Variants in UTP14C observed in about 807,000 individuals in gnomAD.
UTP14C encodes the protein U3 small nucleolar RNA-associated protein 14 homolog C.
In UTP14C, 10 loss-of-function variants were observed where a neutral mutation model predicts 14.6. The ratio of observed to expected loss-of-function variants is 0.68; its 90% CI spans 0.42 to 1.16. The LOEUF (loss-of-function observed/expected upper bound fraction) is 1.16. Ranked by LOEUF, UTP14C falls within the 50% of genes most tolerant of loss-of-function variation. The pLI is 0.00. For missense variants in UTP14C, 818 were observed against 890.8 expected (o/e 0.92, Z 1.04); for synonymous variants, 315 against 331.6 (o/e 0.95, Z 0.54).
In UTP14C at chr13:52,028,881, C is replaced by T. The variant is rs763477592; in HGVS notation, c.77C>T (p.Pro26Leu). 1.9e-6 allele frequency: 3 copies of T among 1,614,160 alleles called. No homozygotes were observed. The highest frequency in any genetic ancestry group is 2.7e-5 in the African/African-American group (2 of 75,012). Residue 26 changes from proline (P) to leucine (L), a missense_variant, in exon 2 of 2, where the codon CCC (proline) becomes CTC (leucine). Pro to Leu is a moderately conservative substitution (Grantham distance 98, BLOSUM62 -3). Coordinates refer to ENST00000521776, the MANE Select transcript of UTP14C (RefSeq NM_021645.6). ...EELVDLPKNY[P>L]LSENEDEGDS... is the part of the protein sequence containing the mutation. ...CTAGTGGATTTGCCAAAAAACTACC[C>T]CTTGAGTGAAAATGAAGATGAGGGG... is the stretch of plus-strand genomic sequence containing the variant.
Position 52,029,796 on chromosome 13 carries a change from A to G in UTP14C, c.992A>G (p.Glu331Gly). The change falls in exon 2 of 2, where the codon GAA (glutamate) becomes GGA (glycine). Residue 331 changes from glutamate (E) to glycine (G), a missense_variant. Coordinates refer to ENST00000521776, the MANE Select transcript of UTP14C (RefSeq NM_021645.6). The part of the protein sequence containing the change: ...AMQEQLAKNK[E>G]LTQKLQVASE... ...CAGGAACAGTTGGCCAAGAACAAAG[A>G]ACTGACACAGAAACTCCAGGTAGCC... 1 of 1,614,212 alleles carries G rather than the reference A, an allele frequency of 6.2e-7. No individual in the cohort carries two copies. The highest frequency in any genetic ancestry group is 8.5e-7 in the Non-Finnish European group (1 of 1,180,040).
Position 52,029,108 on chromosome 13 carries a change from G to T in UTP14C, c.304G>T (p.Val102Leu). 1 of 1,614,192 alleles carries T rather than the reference G, an allele frequency of 6.2e-7. No individual in the cohort carries two copies. Among genetic ancestry groups the T allele is most frequent in the Non-Finnish European group, 8.5e-7 (1 of 1,180,038 alleles). Residue 102 changes from valine (V) to leucine (L), a missense_variant, in exon 2 of 2, where the codon GTA (valine) becomes TTA (leucine). Physicochemically the swap from Val to Leu is conservative, Grantham distance 32. Transcript: ENST00000521776. ...TAAAACTTCATCTTCTTTGGCCACT[G>T]TAAAAAAGCAACTGAATAGAGTCAA... ...PVKTSSSLAT[V>L]KKQLNRVKSK...
chr13:52,031,303 T>C lies in UTP14C; in HGVS notation c.*198T>C, dbSNP rs1954301575. Reference sequence around the variant, plus strand: ...GATCAGACATTAGAACACAGAAAAATTCTAGTACATTTAAATTCTAAACAA... The same window carrying C: ...GATCAGACATTAGAACACAGAAAAACTCTAGTACATTTAAATTCTAAACAA... On this transcript the variant is annotated 3_prime_UTR_variant, in exon 2 of 2. Coordinates refer to ENST00000521776, the MANE Select transcript of UTP14C (RefSeq NM_021645.6). 3 of 770,844 alleles carry C rather than the reference T, an allele frequency of 3.9e-6. No individual in the cohort carries two copies. In the South Asian group the frequency reaches 7.3e-5, roughly 19 times the overall value. The allele number at this position is 770,844 out of a possible 1,614,324, so 47.8% of individuals were successfully genotyped here. A position where few individuals can be genotyped will look rare whatever the true frequency, so the allele number is the denominator to read the frequency against.
Position 52,030,278 on chromosome 13 carries a change from C to G in UTP14C, c.1474C>G (p.Pro492Ala), listed in dbSNP as rs774605466. ...CCAGGTCCAGAGAGAGGAACCTGCC[C>G]CAGAAGAAGCGGAACCCCTATTGCT... ...VPQVQREEPA[P>A]EEAEPLLLQR... Residue 492 changes from proline (P) to alanine (A), a missense_variant, in exon 2 of 2, where the codon CCA becomes GCA. Coordinates refer to ENST00000521776, the MANE Select transcript of UTP14C (RefSeq NM_021645.6). 10 of 1,613,952 alleles carry G rather than the reference C, an allele frequency of 6.2e-6. No homozygotes were observed. Among genetic ancestry groups the G allele is most frequent in the Non-Finnish European group, 7.6e-6 (9 of 1,180,022 alleles).
chr13:52,030,041 G>A lies in UTP14C; in HGVS notation c.1237G>A (p.Ala413Thr). 1 of 1,614,226 alleles carries A rather than the reference G, an allele frequency of 6.2e-7. No individual in the cohort carries two copies. The highest frequency in any genetic ancestry group is 8.5e-7 in the Non-Finnish European group (1 of 1,180,038). The change falls in exon 2 of 2, where the codon GCA (alanine) becomes ACA (threonine). Residue 413 changes from alanine (A) to threonine (T), a missense_variant. Coordinates refer to ENST00000521776, the MANE Select transcript of UTP14C (RefSeq NM_021645.6). ...SASEAEERPV[A>T]EEEILLREFE... ...AAGTGAGGCAGAAGAAAGACCAGTGGCAGAGGAAGAAATTTTGTTGAGAGA... is the reference window on the plus strand; with the variant it reads ...AAGTGAGGCAGAAGAAAGACCAGTGACAGAGGAAGAAATTTTGTTGAGAGA...
chr13:52,027,023 C>G (rs558900843), intron 1 of UTP14C, among the ~76,000 whole-genome samples: 1 of 152,114 alleles, frequency 6.6e-6, no homozygotes, highest in South Asian at 2.1e-4. Flanking sequence ...TCTTAGAAAC[C>G]AAGGAAGAGA....
At chr13:52,026,162 C>T (rs1954238612) in intron 1 of UTP14C, among the ~76,000 whole-genome samples, 1 of 152,192 alleles carries the variant, frequency 6.6e-6, no homozygotes, top group African/African-American at 2.4e-5. Context: ...AAACCTAACA[C>T]AGACTTGTGC....
In UTP14C at chr13:52,031,242, A is replaced by C; in HGVS notation, c.*137A>C. 7.8e-7 allele frequency: 1 copy of C among 1,285,278 alleles called. No individual in the cohort carries two copies. The highest frequency in any genetic ancestry group is 1.1e-6 in the Non-Finnish European group (1 of 948,074). 79.6% of individuals were successfully genotyped at this position (1,285,278 alleles called of 1,614,324 possible). A position where few individuals can be genotyped will look rare whatever the true frequency, so the allele number is the denominator to read the frequency against. ...TGAGCCACATTTTTTAAAAAAAGAA[A>C]ATGGATGACCATTAATTGACTAGCA... On this transcript the variant is annotated 3_prime_UTR_variant, in exon 2 of 2. Transcript: ENST00000521776.
chr13:52,027,318 C>G (rs1954250692), intron 1 of UTP14C, among the ~76,000 whole-genome samples: 1 of 151,894 alleles, frequency 6.6e-6, no homozygotes, highest in South Asian at 2.1e-4. Context: ...CATGTGGTGC[C>G]CTAGCTTCCT....
At position 52,030,129 on chromosome 13, in the gene UTP14C, G is replaced by A; in HGVS notation, c.1325G>A (p.Ser442Asn). Residue 442 changes from serine to asparagine, a missense_variant, in exon 2 of 2, where the codon AGC (serine) becomes AAC (asparagine). Coordinates refer to ENST00000521776, the MANE Select transcript of UTP14C (RefSeq NM_021645.6). Reference sequence around the variant, plus strand: ...CTCAACCAGGATGCTGAGCCAGCAAGCAGTCAAGAAACAAAAGATTCTAGC... The same window carrying A: ...CTCAACCAGGATGCTGAGCCAGCAAACAGTCAAGAAACAAAAGATTCTAGC... ...SELNQDAEPA[S>N]SQETKDSSSQ... 1 of 1,614,226 alleles carries A rather than the reference G, an allele frequency of 6.2e-7. No individual in the cohort carries two copies.
Position 52,028,489 on chromosome 13 carries a change from A to G in UTP14C, c.-316A>G, listed in dbSNP as rs775344176. ...CATTCTTTCCATGTCTGCAGAAAAG[A>G]GACTCCAAATCAGAAAAAGTGCTCG... On this transcript the variant is annotated 5_prime_UTR_variant, in exon 2 of 2. Transcript: ENST00000521776. 8 of 1,614,210 alleles carry G rather than the reference A, an allele frequency of 5.0e-6. No individual in the cohort carries two copies. The highest frequency in any genetic ancestry group is 5.9e-6 in the Non-Finnish European group (7 of 1,180,042).
rs577230605 is a variant in UTP14C, at chr13:52,030,605, G to C, written c.1801G>C (p.Asp601His). The change falls in exon 2 of 2, where the codon GAT becomes CAT. Residue 601 changes from aspartate (D) to histidine (H), a missense_variant. Asp to His is a moderately conservative substitution (Grantham distance 81, BLOSUM62 -1). Transcript: ENST00000521776. ...RQMIKEAFAG[D>H]DVIRDFLKEK... ...GATGATAAAGGAAGCTTTTGCTGGGGATGATGTCATCAGAGATTTCTTGAA... is the reference window on the plus strand; with the variant it reads ...GATGATAAAGGAAGCTTTTGCTGGGCATGATGTCATCAGAGATTTCTTGAA... 2.5e-6 allele frequency: 4 copies of C among 1,614,212 alleles called. No individual in the cohort carries two copies. The highest frequency in any genetic ancestry group is 4.5e-5 in the East Asian group (2 of 44,888).
chr13:52,030,726 G>T lies in UTP14C; in HGVS notation c.1922G>T (p.Ser641Ile). ...GEWGGVGLKPSAKKRRQFLIK... is the reference protein window; with the variant it reads ...GEWGGVGLKPIAKKRRQFLIK... ...TGGGGTGGTGTGGGCCTAAAGCCCA[G>T]TGCCAAGAAAAGACGCCAGTTTCTC... Residue 641 changes from serine (S) to isoleucine (I), a missense_variant, in exon 2 of 2, where the codon AGT (serine) becomes ATT (isoleucine). Ser to Ile is a moderately radical substitution (Grantham distance 142). Coordinates refer to ENST00000521776, the MANE Select transcript of UTP14C (RefSeq NM_021645.6). The T allele has an allele frequency of 1.9e-6, 3 of 1,614,234 alleles. No homozygotes were observed. Among genetic ancestry groups the T allele is most frequent in the Non-Finnish European group, 2.5e-6 (3 of 1,180,046 alleles).
rs147037645 is a variant in UTP14C, at chr13:52,030,205, A to C, written c.1401A>C (p.Glu467Asp). The C allele has an allele frequency of 2.5e-6, 4 of 1,614,228 alleles. No homozygotes were observed. Among genetic ancestry groups the C allele is most frequent in the Non-Finnish European group, 3.4e-6 (4 of 1,180,030 alleles). The change falls in exon 2 of 2, where the codon GAA becomes GAC. Residue 467 changes from glutamate to aspartate, a missense_variant. Coordinates refer to ENST00000521776, the MANE Select transcript of UTP14C (RefSeq NM_021645.6). The stretch of plus-strand genomic sequence containing the variant: ...GGGCACTATCTCAGAAATTGAAGGA[A>C]AAACATCAGTCCAGGAAGCAAAAAG... ...ELRALSQKLK[E>D]KHQSRKQKAS...
Position 52,030,274 on chromosome 13 carries a change from T to C in UTP14C, c.1470T>C (p.Pro490=), listed in dbSNP as rs776401693. 6.2e-7 allele frequency: 1 copy of C among 1,614,176 alleles called. No individual in the cohort carries two copies. Among genetic ancestry groups the C allele is most frequent in the Non-Finnish European group, 8.5e-7 (1 of 1,180,036 alleles). Residue 490 remains proline (P), a synonymous_variant, in exon 2 of 2, where the codon CCT becomes CCC. Transcript: ENST00000521776. ...GTVPQVQREE[P]APEEAEPLLL... The stretch of plus-strand genomic sequence containing the variant: ...TTCCCCAGGTCCAGAGAGAGGAACC[T>C]GCCCCAGAAGAAGCGGAACCCCTAT...
Position 52,030,363 on chromosome 13 carries a change from GTTT to G in UTP14C, c.1561_1563del (p.Phe521del). The G allele has an allele frequency of 6.2e-7, 1 of 1,614,200 alleles. No individual in the cohort carries two copies. The highest frequency in any genetic ancestry group is 8.5e-7 in the Non-Finnish European group (1 of 1,180,036). ...CTAGAAGAGCTGGGAAAAGAAGATT[GTTT>G]TCAAAATAAGGAGCTTCCCAGACCT... On this transcript the variant is annotated inframe_deletion, in exon 2 of 2. Transcript: ENST00000521776.
At position 52,030,998 on chromosome 13, in the gene UTP14C, A is replaced by G; in HGVS notation, c.2194A>G (p.Lys732Glu). ...GCCAGGCCATATCATTAAGCCCATAAAAGCAGAGGATGTGGGCTACCAGTC... is the reference window on the plus strand; with the variant it reads ...GCCAGGCCATATCATTAAGCCCATAGAAGCAGAGGATGTGGGCTACCAGTC... ...TKPGHIIKPI[K>E]AEDVGYQSSS... Residue 732 changes from lysine (K) to glutamate (E), a missense_variant, in exon 2 of 2, where the codon AAA (lysine) becomes GAA (glutamate). Coordinates refer to ENST00000521776, the MANE Select transcript of UTP14C (RefSeq NM_021645.6). 1 of 1,614,178 alleles carries G rather than the reference A, an allele frequency of 6.2e-7. No individual in the cohort carries two copies. The highest frequency in any genetic ancestry group is 8.5e-7 in the Non-Finnish European group (1 of 1,180,038).
rs753485735 is a variant in UTP14C at position 52,024,750 on chromosome 13, C to A, written c.-674C>A. The A allele has an allele frequency of 1.4e-5, 22 of 1,614,062 alleles. No individual in the cohort carries two copies. The South Asian group carries it at 2.4e-4, about 18-fold the overall frequency. ...AGTCACCTCCTTCGCTTAAACTTGTCCTCATTGGAGGTTGTCGTAACAAAG... is the reference window on the plus strand; with the variant it reads ...AGTCACCTCCTTCGCTTAAACTTGTACTCATTGGAGGTTGTCGTAACAAAG... On this transcript the variant is annotated 5_prime_UTR_variant, in exon 1 of 2. Transcript: ENST00000521776.
chr13:52,024,791 T>C lies in UTP14C; in HGVS notation c.-633T>C, dbSNP rs749444174. The C allele has an allele frequency of 1.2e-6, 2 of 1,614,188 alleles. No individual in the cohort carries two copies. Reference sequence around the variant, plus strand: ...CGTAACAAAGATGATGAACTTAGGGTAAACCAACTGAGAAGGCTGTCTGAG... The same window carrying C: ...CGTAACAAAGATGATGAACTTAGGGCAAACCAACTGAGAAGGCTGTCTGAG... On this transcript the variant is annotated 5_prime_UTR_variant, in exon 1 of 2. It removes the in-frame stop codon of an upstream open reading frame in the 5' UTR. Coordinates refer to ENST00000521776, the MANE Select transcript of UTP14C (RefSeq NM_021645.6).
Sources: gnomAD v4.1 joint callset for allele counts (sites outside exome capture counted in the v4.1 genomes callset) on GRCh38, gnomAD v4.1.1 for gene constraint, MANE v1.5 for transcripts, NCBI Gene and HGNC (gene_info 2026-07-23, HGNC 2026-07-21) for gene names.